The following TDG variants were observed in gnomAD, a reference collection of about 807,000 sequenced individuals.
The protein encoded by TDG is G/T mismatch-specific thymine DNA glycosylase.
TDG carries 23 observed loss-of-function variants against 46.1 expected under a neutral mutation model. The observed-to-expected ratio is 0.50, with a 90% CI of 0.36 to 0.71. The LOEUF is 0.71. Ranked by LOEUF, TDG falls within the 30% of genes least tolerant of loss-of-function variation. The pLI, the probability that TDG is intolerant of heterozygous loss-of-function variation, is 0.00. For synonymous variants in TDG, 115 were observed against 161.3 expected, an observed-to-expected ratio of 0.71 and a Z score of 2.18; for missense variants, 304 against 486.7, an observed-to-expected ratio of 0.62 and a Z score of 3.53.
chr12:103,986,939 T>A lies in TDG; in HGVS notation c.1091-9T>A. 1 of 1,019,872 alleles carries A rather than the reference T, an allele frequency of 9.8e-7. No homozygotes were observed. The highest frequency in any genetic ancestry group is 3.3e-5 in the African/African-American group (1 of 30,614). The allele number at this position is 1,019,872 out of a possible 1,614,324, so 63.2% of individuals were successfully genotyped here. On this transcript the variant is annotated splice_polypyrimidine_tract_variant and intron_variant, in intron 9 of 9. Coordinates refer to ENST00000392872, the MANE Select transcript of TDG (RefSeq NM_003211.6). ...GGCATAAACTAACTTTGTTTTTCTT[T>A]TCTGGCAGTTGAGAGCGTGGAGTTA...
intron 1 of TDG, among the ~76,000 whole-genome samples, chr12:103,974,699 G>A (rs902461789): frequency 3.9e-5 from 6 of 152,186 alleles, no homozygotes; most frequent in Non-Finnish European, 7.4e-5. Context: ...CGCTGGGCGC[G>A]GTGGCTCATG....
chr12:103,973,772 C>T (rs966243815), intron 1 of TDG, among the ~76,000 whole-genome samples: 1 of 152,086 alleles, frequency 6.6e-6, no homozygotes, highest in Non-Finnish European at 1.5e-5. Context: ...TTATGTGTAG[C>T]CTTAGTTATA....
At position 103,987,292 on chromosome 12, in the gene TDG, T is replaced by G; in HGVS notation, c.*202T>G. ...AAGTAGGGTTTTTGTATACTAGCTT[T>G]TGTATTTGAATTAATTATCATTCCA... is the stretch of plus-strand genomic sequence containing the variant. On this transcript the variant is annotated 3_prime_UTR_variant, in exon 10 of 10. Transcript: ENST00000392872. 1.6e-6 allele frequency: 1 copy of G among 618,168 alleles called. No homozygotes were observed. The highest frequency in any genetic ancestry group is 3.4e-5 in the South Asian group (1 of 29,240). The allele number at this position is 618,168 out of a possible 1,614,324, so 38.3% of individuals were successfully genotyped here. A position where few individuals can be genotyped will look rare whatever the true frequency, so the allele number is the denominator to read the frequency against.
intron 2 of TDG, 93 bp downstream of exon 2, chr12:103,977,153 T>G: frequency 1.3e-6 from 2 of 1,510,844 alleles, no homozygotes; most frequent in South Asian, 1.3e-5. Flanking sequence ...TCTATTTTAG[T>G]GTTAAAAAGT....
At chr12:103,970,575 T>C (rs1426885039) in intron 1 of TDG, among the ~76,000 whole-genome samples, 1 of 152,066 alleles carries the variant, frequency 6.6e-6, no homozygotes, top group Non-Finnish European at 1.5e-5. Flanking sequence ...CTTAAAAATT[T>C]AGTTTTTTGA....
intron 8 of TDG, 72 bp downstream of exon 8, chr12:103,984,992 T>TAC (rs1555275177): frequency 1.8e-5 from 23 of 1,257,246 alleles, no homozygotes; most frequent in South Asian, 9.3e-5. Context: ...TACATATATA[T>TAC]ACACATATAC....
In TDG at chr12:103,968,247, G is replaced by A. The variant is rs547385894; in HGVS notation, c.23+2187G>A. Among the ~76,000 whole-genome samples, 4 of 152,280 alleles carry A rather than the reference G, an allele frequency of 2.6e-5. 1 individual carries two copies. The highest frequency in any genetic ancestry group is 9.6e-5 in the African/African-American group (4 of 41,566). On this transcript the variant is annotated intron_variant, in intron 1 of 9. Transcript: ENST00000392872. Reference sequence around the variant, plus strand: ...TGGGGAGTTTCCCGTGACCTCAGGCGTGAAAAAGACATTTACCGAAGATGG... The same window carrying A: ...TGGGGAGTTTCCCGTGACCTCAGGCATGAAAAAGACATTTACCGAAGATGG...
rs1454068652 is a variant in TDG, at chr12:103,980,900, T to C, written c.416T>C (p.Ile139Thr). 1.2e-6 allele frequency: 2 copies of C among 1,613,560 alleles called. No homozygotes were observed. The highest frequency in any genetic ancestry group is 2.7e-5 in the African/African-American group (2 of 74,926). Reference protein sequence around the residue: ...TFNLDIVIIGINPGLMAAYKG... With the variant: ...TFNLDIVIIGTNPGLMAAYKG... Reference sequence around the variant, plus strand: ...AATTGTTTTGTTTTATAGATTGGCATAAACCCGGGACTAATGGCTGCTTAC... The same window carrying C: ...AATTGTTTTGTTTTATAGATTGGCACAAACCCGGGACTAATGGCTGCTTAC... Residue 139 changes from isoleucine to threonine, a missense_variant, in exon 4 of 10, where the codon ATA (isoleucine) becomes ACA (threonine). Physicochemically the swap from Ile to Thr is moderately conservative, Grantham distance 89. Coordinates refer to ENST00000392872, the MANE Select transcript of TDG (RefSeq NM_003211.6).
intron 1 of TDG, among the ~76,000 whole-genome samples, chr12:103,969,433 A>C (rs1593506850): frequency 6.6e-6 from 1 of 152,250 alleles, no homozygotes; most frequent in African/African-American, 2.4e-5. Flanking sequence ...GGCAGACTGA[A>C]GAGAGGTCTG....
intron 2 of TDG, among the ~76,000 whole-genome samples, chr12:103,978,059 TCAAAAACAAAAACAAAAA>T (rs4015355): frequency 1.2e-4 from 18 of 151,056 alleles, no homozygotes; most frequent in South Asian, 4.2e-4. Context: ...AGACTCTGTC[TCAAAAACAAAAACAAAAA>T]CAAAAACAAA....
intron 2 of TDG, among the ~76,000 whole-genome samples, chr12:103,978,790 C>T (rs1460320673): frequency 2.0e-5 from 3 of 152,164 alleles, no homozygotes; most frequent in African/African-American, 7.2e-5. Flanking sequence ...TCTGAAGACA[C>T]TTTTGATGAT....
intron 1 of TDG, among the ~76,000 whole-genome samples, chr12:103,971,260 G>A (rs1303602833): frequency 6.6e-6 from 1 of 152,008 alleles, no homozygotes; most frequent in African/African-American, 2.4e-5. Context: ...TCAGTTCCAG[G>A]CAGCTATAAG....
chr12:103,978,657 G>A (rs1216715488), intron 2 of TDG, among the ~76,000 whole-genome samples: 1 of 152,172 alleles, frequency 6.6e-6, no homozygotes, highest in Non-Finnish European at 1.5e-5. Flanking sequence ...GTAGAAGCCT[G>A]AGTAGTTAGG....
rs1872350563 is a variant in TDG at position 103,988,819 on chromosome 12, C to G, written c.*1729C>G. 6.6e-6 allele frequency: 1 copy of G among 152,128 alleles called. No individual in the cohort carries two copies. Among genetic ancestry groups the G allele is most frequent in the African/African-American group, 2.4e-5 (1 of 41,474 alleles). The allele number at this position is 152,128 out of a possible 1,614,324, so 9.4% of individuals were successfully genotyped here. On this transcript the variant is annotated 3_prime_UTR_variant, in exon 10 of 10. Coordinates refer to ENST00000392872, the MANE Select transcript of TDG (RefSeq NM_003211.6). The stretch of plus-strand genomic sequence containing the variant: ...AATAATATTGAAAGATTTTAAAATT[C>G]ATTTGAAAGTCTGATGGCTTTTACA...
At chr12:103,976,685 A>G (rs1334013884) in intron 1 of TDG, among the ~76,000 whole-genome samples, 1 of 152,160 alleles carries the variant, frequency 6.6e-6, no homozygotes, top group Non-Finnish European at 1.5e-5. Context: ...TCAGTGACAC[A>G]TCTTATCATT....
rs776699687 is a variant in TDG, at chr12:103,980,923, T to C, written c.439T>C (p.Tyr147His). The change falls in exon 4 of 10, where the codon TAC (tyrosine) becomes CAC (histidine). Residue 147 changes from tyrosine to histidine, a missense_variant. Physicochemically the swap from Tyr to His is moderately conservative, Grantham distance 83 (BLOSUM62 2). Transcript: ENST00000392872. ...IGINPGLMAAYKGHHYPGPGN... is the reference protein window; with the variant it reads ...IGINPGLMAAHKGHHYPGPGN... ...CATAAACCCGGGACTAATGGCTGCT[T>C]ACAAAGGGCATCATTACCCTGGACC... 1.1e-5 allele frequency: 18 copies of C among 1,613,594 alleles called. No homozygotes were observed. Among genetic ancestry groups the C allele is most frequent in the Non-Finnish European group, 1.4e-5 (17 of 1,179,980 alleles).
At chr12:103,978,847 G>T (rs982863390) in intron 2 of TDG, among the ~76,000 whole-genome samples, 3 of 152,096 alleles carry the variant, frequency 2.0e-5, no homozygotes, top group Non-Finnish European at 4.4e-5. Context: ...GAGATCAGGG[G>T]TGCTATTAAA....
intron 4 of TDG, among the ~76,000 whole-genome samples, chr12:103,981,929 G>A (rs1189931026): frequency 6.6e-6 from 1 of 152,164 alleles, no homozygotes; most frequent in Non-Finnish European, 1.5e-5. Context: ...TGGGAAAATT[G>A]CTTGAGCCTG....
In TDG at chr12:103,973,086, A is replaced by AT. The variant is rs578157537; in HGVS notation, c.24-3817dup. On this transcript the variant is annotated intron_variant, in intron 1 of 9. Coordinates refer to ENST00000392872, the MANE Select transcript of TDG (RefSeq NM_003211.6). ...GACAGAGTAAAAACACGTTTCATAC[A>AT]TTTTTTTTTTTTTTTGAGACGGAGT... The AT allele has an allele frequency of 5.7e-3, 3,176 of 556,030 alleles. 5 individuals are homozygous for AT. The highest frequency in any genetic ancestry group is 9.9e-3 in the South Asian group (502 of 50,660). The allele number at this position is 556,030 out of a possible 1,614,324, so 34.4% of individuals were successfully genotyped here. A position where few individuals can be genotyped will look rare whatever the true frequency, so the allele number is the denominator to read the frequency against.
Sources: gnomAD v4.1 joint callset for allele counts (sites outside exome capture counted in the v4.1 genomes callset) on GRCh38, gnomAD v4.1.1 for gene constraint, MANE v1.5 for transcripts, NCBI Gene and HGNC (gene_info 2026-07-23, HGNC 2026-07-21) for gene names.